Variants in FSTL5 observed in about 807,000 individuals in gnomAD.
The protein encoded by FSTL5 is follistatin-related protein 5.
Under a neutral mutation model 89.1 loss-of-function variants are expected in FSTL5, and 62 were observed. The observed-to-expected ratio is 0.70, with a 90% CI of 0.57 to 0.86. FSTL5 has a LOEUF of 0.86. Ranked by LOEUF, FSTL5 falls within the 40% of genes least tolerant of loss-of-function variation. The probability of loss-of-function intolerance (pLI) is 0.00; values close to 1 mark genes in which losing one functional copy is unlikely to be tolerated. For synonymous variants in FSTL5, 383 were observed against 346.2 expected (o/e 1.11, Z -1.18); for missense variants, 1,057 against 1,001.6 (o/e 1.06, Z -0.75).
At chr4:161,514,148 T>C (rs111253988) in intron 10 of FSTL5, among the ~76,000 whole-genome samples, 3 of 152,128 alleles carry the variant, frequency 2.0e-5, no homozygotes, top group Admixed American at 6.6e-5. Flanking sequence ...TACAGGGATA[T>C]TTAAATTAAT....
intron 2 of FSTL5, among the ~76,000 whole-genome samples, chr4:162,092,488 T>C (rs774208913): frequency 1.3e-5 from 2 of 152,202 alleles, no homozygotes; most frequent in Non-Finnish European, 2.9e-5. Flanking sequence ...CAACAGATGA[T>C]CATTTTGCTG....
chr4:162,038,016 G>A (rs1283847111), intron 2 of FSTL5, among the ~76,000 whole-genome samples: 1 of 151,894 alleles, frequency 6.6e-6, no homozygotes, highest in Non-Finnish European at 1.5e-5. Flanking sequence ...GAACTCACGA[G>A]TGACCAGAAA....
At chr4:161,945,313 G>A (rs1229501394) in intron 3 of FSTL5, among the ~76,000 whole-genome samples, 1 of 152,156 alleles carries the variant, frequency 6.6e-6, no homozygotes, top group Non-Finnish European at 1.5e-5. Flanking sequence ...TGTGTTATAT[G>A]TTGCATGCTA....
chr4:162,120,265 T>C (rs142559648), intron 1 of FSTL5, among the ~76,000 whole-genome samples: 73 of 152,232 alleles, frequency 4.8e-4, no homozygotes, highest in Non-Finnish European at 8.8e-4. Context: ...TCCATTATTT[T>C]GTTTCAAATA....
intron 6 of FSTL5, among the ~76,000 whole-genome samples, chr4:161,703,952 T>C (rs1185925662): frequency 6.6e-6 from 1 of 152,136 alleles, no homozygotes; most frequent in African/African-American, 2.4e-5. Flanking sequence ...ATATAATTTT[T>C]AAGCATATTC....
chr4:161,778,576 T>C (rs952723239), intron 4 of FSTL5, among the ~76,000 whole-genome samples: 1 of 152,202 alleles, frequency 6.6e-6, no homozygotes, highest in African/African-American at 2.4e-5. Context: ...GACAGTGAAA[T>C]TACTATTGTT....
intron 9 of FSTL5, 107 bp from the exon 10 acceptor site, chr4:161,538,407 G>T: frequency 2.5e-6 from 3 of 1,221,846 alleles, no homozygotes; most frequent in Non-Finnish European, 3.5e-6. Context: ...TAATTAAACT[G>T]TTTCCCTTCC....
At chr4:161,519,480 C>T (rs562287561) in intron 10 of FSTL5, among the ~76,000 whole-genome samples, 14 of 152,122 alleles carry the variant, frequency 9.2e-5, no homozygotes, top group South Asian at 8.3e-4. Flanking sequence ...GAGCCGAGAT[C>T]GCTCCACTGC....
chr4:162,117,916 T>C (rs1401231989), intron 1 of FSTL5, among the ~76,000 whole-genome samples: 1 of 152,236 alleles, frequency 6.6e-6, no homozygotes, highest in Non-Finnish European at 1.5e-5. Context: ...TGATTTTTAT[T>C]ATTCTTTATG....
At chr4:161,629,075 T>C (rs1381917908) in intron 7 of FSTL5, among the ~76,000 whole-genome samples, 2 of 152,154 alleles carry the variant, frequency 1.3e-5, no homozygotes, top group Non-Finnish European at 2.9e-5. Flanking sequence ...TCAATTATTA[T>C]TTAAAACTAA....
intron 6 of FSTL5, among the ~76,000 whole-genome samples, chr4:161,743,849 G>A (rs1560820895): frequency 6.6e-6 from 1 of 152,172 alleles, no homozygotes; most frequent in African/African-American, 2.4e-5. Flanking sequence ...AGCTTCACAA[G>A]TTTTCAACAG....
At chr4:162,123,753 T>A (rs1347455933) in intron 1 of FSTL5, among the ~76,000 whole-genome samples, 1 of 152,168 alleles carries the variant, frequency 6.6e-6, no homozygotes, top group Admixed American at 6.5e-5. Flanking sequence ...AAATTGAGTT[T>A]GTTTTCAGCA....
chr4:161,680,047 A>T (rs918518041), intron 6 of FSTL5, among the ~76,000 whole-genome samples: 11 of 151,906 alleles, frequency 7.2e-5, no homozygotes, highest in Admixed American at 3.3e-4. Context: ...AAATCAAAAC[A>T]TAATTTCATG....
intron 4 of FSTL5, among the ~76,000 whole-genome samples, chr4:161,849,537 AC>A (rs1731485692): frequency 6.6e-6 from 1 of 150,594 alleles, no homozygotes; most frequent in Non-Finnish European, 1.5e-5. Context: ...CTACACACAC[AC>A]ACACACACAC....
chr4:161,629,679 G>A (rs1053593557), intron 7 of FSTL5, among the ~76,000 whole-genome samples: 1 of 152,148 alleles, frequency 6.6e-6, no homozygotes, highest in Non-Finnish European at 1.5e-5. Context: ...GCATCTTGGA[G>A]GGAAGAAAAT....
chr4:161,480,526 G>T (rs1379747070), intron 13 of FSTL5, among the ~76,000 whole-genome samples: 1 of 152,182 alleles, frequency 6.6e-6, no homozygotes, highest in South Asian at 2.1e-4. Context: ...ATTAGAGATT[G>T]CTTTCTCTAT....
chr4:161,668,785 A>C (rs1251465478), intron 6 of FSTL5, among the ~76,000 whole-genome samples: 1 of 152,186 alleles, frequency 6.6e-6, no homozygotes, highest in African/African-American at 2.4e-5. Context: ...ATTTATATAA[A>C]AAATTTTAAA....
chr4:161,706,350 T>C (rs959401474), intron 6 of FSTL5, among the ~76,000 whole-genome samples: 9 of 151,978 alleles, frequency 5.9e-5, no homozygotes, highest in African/African-American at 2.2e-4. Flanking sequence ...TTAAGTCATT[T>C]ATTATTTAAC....
At chr4:161,701,283 T>G (rs1040609531) in intron 6 of FSTL5, among the ~76,000 whole-genome samples, 1 of 152,174 alleles carries the variant, frequency 6.6e-6, no homozygotes, top group Admixed American at 6.5e-5. Context: ...AATAATAATA[T>G]GTACTTTAAG....
Sources: gnomAD v4.1 joint callset for allele counts (sites outside exome capture counted in the v4.1 genomes callset) on GRCh38, gnomAD v4.1.1 for gene constraint, MANE v1.5 for transcripts, NCBI Gene and HGNC (gene_info 2026-07-23, HGNC 2026-07-21) for gene names.